KCNQ5: variants seen among roughly 807,000 people sequenced by gnomAD.
The protein encoded by KCNQ5 is potassium voltage-gated channel subfamily KQT member 5.
In KCNQ5, 30 loss-of-function variants were observed where a neutral mutation model predicts 98.2. That is an observed-to-expected ratio of 0.31 (90% CI 0.23 to 0.41). The LOEUF is 0.41. KCNQ5 is among the 10% of genes least tolerant of loss of function. The probability of loss-of-function intolerance (pLI) is 1.00; values close to 1 mark genes in which losing one functional copy is unlikely to be tolerated. For synonymous variants in KCNQ5, 458 were observed against 449.4 expected (o/e 1.02, Z -0.24); for missense variants, 835 against 1,182.5 (o/e 0.71, Z 4.31).
chr6:72,736,519 A>ATTTTTTTTT (rs1351227024), intron 1 of KCNQ5, among the ~76,000 whole-genome samples: 1 of 61,158 alleles, frequency 1.6e-5, no homozygotes, highest in African/African-American at 2.4e-4. Context: ...TTTTTTTTTG[A>ATTTTTTTTT]GACGGAGTCT....
intron 9 of KCNQ5, among the ~76,000 whole-genome samples, chr6:73,125,019 T>C (rs1775916686): frequency 7.6e-6 from 1 of 130,952 alleles, no homozygotes; most frequent in Non-Finnish European, 1.6e-5. Context: ...CATATACACA[T>C]ACATACATTA....
intron 1 of KCNQ5, among the ~76,000 whole-genome samples, chr6:72,652,820 A>G (rs1380435950): frequency 1.3e-5 from 2 of 152,064 alleles, no homozygotes; most frequent in East Asian, 3.9e-4. Flanking sequence ...GCCTCACAAG[A>G]GGCTCTAAGT....
chr6:72,684,267 A>G (rs1425147074), intron 1 of KCNQ5, among the ~76,000 whole-genome samples: 1 of 152,152 alleles, frequency 6.6e-6, no homozygotes, highest in Non-Finnish European at 1.5e-5. Context: ...ACTGGCAGCA[A>G]TGGCATCCCA....
chr6:72,780,966 A>G (rs111344773), intron 1 of KCNQ5, among the ~76,000 whole-genome samples: 162 of 152,298 alleles, frequency 1.1e-3, no homozygotes, highest in Non-Finnish European at 1.6e-3. Context: ...CTTATTTTTC[A>G]TAGTTTTCTT....
At chr6:72,808,003 T>G (rs1362183776) in intron 1 of KCNQ5, among the ~76,000 whole-genome samples, 3 of 152,156 alleles carry the variant, frequency 2.0e-5, no homozygotes, top group African/African-American at 7.2e-5. Flanking sequence ...AACTTGGACT[T>G]CATCCTGACA....
intron 5 of KCNQ5, among the ~76,000 whole-genome samples, chr6:73,098,134 C>T (rs1774598770): frequency 6.6e-6 from 1 of 151,928 alleles, no homozygotes; most frequent in Non-Finnish European, 1.5e-5. Context: ...AACTGACATA[C>T]TGAAGAATCA....
At chr6:73,017,025 C>T (rs1437313614) in intron 2 of KCNQ5, among the ~76,000 whole-genome samples, 1 of 152,100 alleles carries the variant, frequency 6.6e-6, no homozygotes, top group African/African-American at 2.4e-5. Flanking sequence ...TCCCTGGGTT[C>T]TGCTTACTTC....
chr6:73,104,916 A>G (rs1286135061), intron 5 of KCNQ5, among the ~76,000 whole-genome samples: 1 of 152,226 alleles, frequency 6.6e-6, no homozygotes, highest in Non-Finnish European at 1.5e-5. Flanking sequence ...GCCTAAATTA[A>G]CATAAATTAT....
Position 72,898,033 on chromosome 6 carries a change from G to A in KCNQ5, c.399-105875G>A, listed in dbSNP as rs552251644. On this transcript the variant is annotated intron_variant, in intron 1 of 13. Coordinates refer to ENST00000370398, the MANE Select transcript of KCNQ5 (RefSeq NM_019842.4). ...TTCCATGACAGATGTAGAACTTCAA[G>A]TACTAAAAGTTTGCTGTTTAATTAA... 8.5e-5 allele frequency among the ~76,000 whole-genome samples: 13 copies of A among 152,224 alleles called. 1 individual carries two copies. In the South Asian group the frequency reaches 2.7e-3, roughly 32 times the overall value.
intron 1 of KCNQ5, among the ~76,000 whole-genome samples, chr6:72,757,324 G>A (rs932704350): frequency 2.6e-5 from 4 of 152,158 alleles, no homozygotes; most frequent in Non-Finnish European, 5.9e-5. Context: ...CCTAATCAGT[G>A]TATATCTAAG....
chr6:73,062,042 A>T (rs1372687824), intron 3 of KCNQ5, among the ~76,000 whole-genome samples: 1 of 152,176 alleles, frequency 6.6e-6, no homozygotes, highest in East Asian at 1.9e-4. Flanking sequence ...TAAGAGGTAA[A>T]TGGAAGGAGC....
At chr6:72,775,506 T>C (rs775248458) in intron 1 of KCNQ5, among the ~76,000 whole-genome samples, 1 of 152,168 alleles carries the variant, frequency 6.6e-6, no homozygotes, top group Non-Finnish European at 1.5e-5. Context: ...ATAACCCCCA[T>C]GGAGCTGGAA....
chr6:72,704,609 A>T (rs1768982539), intron 1 of KCNQ5, among the ~76,000 whole-genome samples: 1 of 148,540 alleles, frequency 6.7e-6, no homozygotes, highest in Non-Finnish European at 1.5e-5. Context: ...TTTCCTAAGA[A>T]AAAGGGGATA....
intron 1 of KCNQ5, among the ~76,000 whole-genome samples, chr6:72,820,837 T>C (rs1326285545): frequency 6.6e-6 from 1 of 152,194 alleles, no homozygotes; most frequent in Non-Finnish European, 1.5e-5. Flanking sequence ...GAATTTAGGA[T>C]TTTACAGAAG....
intron 1 of KCNQ5, among the ~76,000 whole-genome samples, chr6:72,711,146 A>T (rs536018271): frequency 9.2e-5 from 14 of 152,208 alleles, no homozygotes; most frequent in African/African-American, 3.4e-4. Context: ...TGGGGCCTTA[A>T]TCCAATAGGA....
chr6:73,122,395 A>G (rs1286795798), intron 8 of KCNQ5, among the ~76,000 whole-genome samples: 1 of 152,170 alleles, frequency 6.6e-6, no homozygotes, highest in African/African-American at 2.4e-5. Flanking sequence ...TAAATCAACT[A>G]TTATTTTATT....
At chr6:72,699,288 A>T (rs1478649214) in intron 1 of KCNQ5, among the ~76,000 whole-genome samples, 1 of 152,226 alleles carries the variant, frequency 6.6e-6, no homozygotes, top group Non-Finnish European at 1.5e-5. Context: ...GCTTTGTGGT[A>T]TGAAATACTG....
intron 9 of KCNQ5, among the ~76,000 whole-genome samples, chr6:73,131,017 G>A (rs1313690234): frequency 6.6e-6 from 1 of 152,068 alleles, no homozygotes; most frequent in African/African-American, 2.4e-5. Context: ...AAAGGGAAAT[G>A]TTACTTAGAA....
At chr6:72,865,522 T>C (rs1777945101) in intron 1 of KCNQ5, among the ~76,000 whole-genome samples, 1 of 152,210 alleles carries the variant, frequency 6.6e-6, no homozygotes, top group Non-Finnish European at 1.5e-5. Flanking sequence ...ATTATCTCTT[T>C]GACAGGCTAA....
Sources: allele counts gnomAD v4.1 joint callset (sites outside exome capture counted in the v4.1 genomes callset), GRCh38; gene constraint gnomAD v4.1.1; transcripts MANE v1.5; gene names NCBI Gene and HGNC (gene_info 2026-07-23, HGNC 2026-07-21).